Variants in PDE4B observed in about 807,000 individuals in gnomAD.
PDE4B encodes the protein 3',5'-cyclic-AMP phosphodiesterase 4B.
In PDE4B, 20 loss-of-function variants were observed where a neutral mutation model predicts 82.2. The observed-to-expected ratio is 0.24, with a 90% confidence interval of 0.17 to 0.35. The LOEUF (loss-of-function observed/expected upper bound fraction) is 0.35. Ranked by LOEUF, PDE4B falls within the 10% of genes least tolerant of loss-of-function variation. The pLI is 1.00. For synonymous variants in PDE4B, 320 were observed against 318.9 expected, an observed-to-expected ratio of 1.00 and a Z score of -0.04; for missense variants, 655 against 907.2, an observed-to-expected ratio of 0.72 and a Z score of 3.57.
chr1:66,037,892 G>A (rs1394753149), intron 3 of PDE4B, among the ~76,000 whole-genome samples: 1 of 152,080 alleles, frequency 6.6e-6, no homozygotes, highest in Non-Finnish European at 1.5e-5. Context: ...ATATATTAAA[G>A]CTTCCTCTAT....
intron 3 of PDE4B, among the ~76,000 whole-genome samples, chr1:66,176,171 A>G (rs1291643887): frequency 6.6e-6 from 1 of 152,192 alleles, no homozygotes; most frequent in African/African-American, 2.4e-5. Context: ...TGCATAGTTG[A>G]CTCAACAAAG....
chr1:66,300,291 G>A (rs184349498), intron 7 of PDE4B, among the ~76,000 whole-genome samples: 10 of 152,196 alleles, frequency 6.6e-5, no homozygotes, highest in South Asian at 2.1e-4. Context: ...CTGGCACCTC[G>A]TCAGGACTCA....
intron 1 of PDE4B, among the ~76,000 whole-genome samples, chr1:65,833,264 A>G (rs758739825): frequency 5.3e-5 from 8 of 152,190 alleles, no homozygotes; most frequent in Admixed American, 2.6e-4. Context: ...AAGCTTACAG[A>G]GATTCCCAGT....
intron 12 of PDE4B, among the ~76,000 whole-genome samples, chr1:66,365,144 C>A (rs1006446298): frequency 6.6e-6 from 1 of 152,072 alleles, no homozygotes; most frequent in Non-Finnish European, 1.5e-5. Flanking sequence ...TTAGTGGGTA[C>A]GTACTGAATG....
At chr1:65,931,158 T>A (rs534407001) in intron 3 of PDE4B, among the ~76,000 whole-genome samples, 1 of 152,302 alleles carries the variant, frequency 6.6e-6, no homozygotes, top group Admixed American at 6.5e-5. Flanking sequence ...GCTCCACCCA[T>A]GTAAGATCTA....
At chr1:66,154,349 A>T (rs904279176) in intron 3 of PDE4B, among the ~76,000 whole-genome samples, 1 of 152,186 alleles carries the variant, frequency 6.6e-6, no homozygotes. Flanking sequence ...GCGGTTCTCC[A>T]TGAAGATATA....
chr1:66,369,032 T>C, intron 16 of PDE4B, 63 bp downstream of exon 16: 1 of 1,260,528 alleles, frequency 7.9e-7, no homozygotes, highest in Non-Finnish European at 1.1e-6. Flanking sequence ...TGGAGGGTTC[T>C]ATTTAATTCC....
chr1:65,840,668 G>A (rs957718131), intron 1 of PDE4B, among the ~76,000 whole-genome samples: 1 of 152,158 alleles, frequency 6.6e-6, no homozygotes, highest in African/African-American at 2.4e-5. Context: ...GTCTCAGATC[G>A]TTAGCTACGA....
chr1:65,937,276 G>T (rs775827580), intron 3 of PDE4B, among the ~76,000 whole-genome samples: 10 of 152,142 alleles, frequency 6.6e-5, no homozygotes, highest in Non-Finnish European at 1.5e-4. Context: ...GAGTGGTGGC[G>T]ATTTCCCTGC....
chr1:65,988,764 T>C (rs1241832356), intron 3 of PDE4B, among the ~76,000 whole-genome samples: 1 of 142,828 alleles, frequency 7.0e-6, no homozygotes, highest in African/African-American at 2.5e-5. Flanking sequence ...TTGTGCTAGG[T>C]ATAATATTAT....
At chr1:66,244,825 G>C (rs982264457) in intron 3 of PDE4B, among the ~76,000 whole-genome samples, 2 of 152,162 alleles carry the variant, frequency 1.3e-5, no homozygotes, top group Non-Finnish European at 2.9e-5. Context: ...AGCAAACAGG[G>C]GCATCATGGA....
intron 7 of PDE4B, among the ~76,000 whole-genome samples, chr1:66,324,239 C>T (rs1013012655): frequency 2.0e-5 from 3 of 151,944 alleles, no homozygotes; most frequent in African/African-American, 7.2e-5. Flanking sequence ...AGTGGTTTAG[C>T]AAAAAAGTTA....
Position 66,120,890 on chromosome 1 carries a change from A to G in PDE4B, c.282-126570A>G, listed in dbSNP as rs138226947. ...TTTCCCTACTATTTTATCTGGGAGT[A>G]CAGAATTTAAGTCATTTTATATGTC... On this transcript the variant is annotated intron_variant, in intron 3 of 16. Transcript: ENST00000341517. Among the ~76,000 whole-genome samples, 222 of 152,308 alleles carry G rather than the reference A, an allele frequency of 1.5e-3. 2 individuals carry two copies. The highest frequency in any genetic ancestry group is 0.011 in the Admixed American group (166 of 15,298).
chr1:65,884,600 G>A (rs1348247184), intron 1 of PDE4B, among the ~76,000 whole-genome samples: 1 of 152,096 alleles, frequency 6.6e-6, no homozygotes, highest in African/African-American at 2.4e-5. Flanking sequence ...ACAAAAACAA[G>A]GAATGGGGAA....
intron 7 of PDE4B, among the ~76,000 whole-genome samples, chr1:66,291,661 G>A (rs1391357173): frequency 6.6e-6 from 1 of 152,138 alleles, no homozygotes; most frequent in Non-Finnish European, 1.5e-5. Flanking sequence ...CCTATGTTAA[G>A]AGAATTTCCC....
chr1:66,121,273 G>T (rs748959874), intron 3 of PDE4B, among the ~76,000 whole-genome samples: 3 of 152,120 alleles, frequency 2.0e-5, no homozygotes, highest in Non-Finnish European at 2.9e-5. Flanking sequence ...ATTTTGCAGT[G>T]GTAATGGGGG....
intron 7 of PDE4B, among the ~76,000 whole-genome samples, chr1:66,326,242 A>G (rs1246577939): frequency 1.3e-5 from 2 of 152,210 alleles, no homozygotes; most frequent in Non-Finnish European, 1.5e-5. Context: ...ATGGACAACC[A>G]GAAAGACAGC....
intron 9 of PDE4B, among the ~76,000 whole-genome samples, chr1:66,358,851 G>A (rs1192920343): frequency 6.6e-6 from 1 of 152,128 alleles, no homozygotes; most frequent in African/African-American, 2.4e-5. Context: ...CCAGGGAGGA[G>A]GGAAATCCCT....
At chr1:66,159,292 G>T (rs1402763008) in intron 3 of PDE4B, among the ~76,000 whole-genome samples, 1 of 151,684 alleles carries the variant, frequency 6.6e-6, no homozygotes, top group African/African-American at 2.4e-5. Context: ...GCCCAGGCTG[G>T]AGTGTAGTGG....
Sources: allele counts gnomAD v4.1 joint callset (sites outside exome capture counted in the v4.1 genomes callset), GRCh38; gene constraint gnomAD v4.1.1; transcripts MANE v1.5; gene names NCBI Gene and HGNC (gene_info 2026-07-23, HGNC 2026-07-21).